Variants in UCKL1 observed in about 807,000 individuals in gnomAD.
The protein encoded by UCKL1 is uridine-cytidine kinase 1 like 1.
A neutral mutation model predicts 59.2 loss-of-function variants in UCKL1; 65 were observed. The ratio of observed to expected loss-of-function variants is 1.10; its 90% CI spans 0.90 to 1.35. The LOEUF is 1.35. Ranked by LOEUF, UCKL1 falls within the 40% of genes most tolerant of loss-of-function variation. UCKL1 has a pLI of 0.00. For synonymous variants in UCKL1, 410 were observed against 323.1 expected, an observed-to-expected ratio of 1.27 and a Z score of -2.88; for missense variants, 703 against 784.3, an observed-to-expected ratio of 0.90 and a Z score of 1.24.
Position 63,944,591 on chromosome 20 carries a change from C to G in UCKL1, c.798G>C (p.Gln266His). 3 of 1,612,982 alleles carry G rather than the reference C, an allele frequency of 1.9e-6. No homozygotes were observed. The highest frequency in any genetic ancestry group is 1.1e-5 in the South Asian group (1 of 90,988). ...CCAGGCGCATGGTGGGCTGGATGTA[C>G]TGGTCGAAGGAGGGCTTGACAAACT... ...YNKFVKPSFD[Q>H]YIQPTMRLAD... The change falls in exon 6 of 15, where the codon CAG (glutamine) becomes CAC (histidine). Residue 266 changes from glutamine to histidine, a missense_variant. By Grantham distance (24) the Gln-to-His change is conservative (BLOSUM62 0). This residue lies in a region of UCKL1 where 398 missense variants were observed against 373.0 expected (regional missense o/e 1.07). Coordinates refer to ENST00000354216, the MANE Select transcript of UCKL1 (RefSeq NM_017859.4).
Position 63,952,240 on chromosome 20 carries a change from G to A in UCKL1, c.113+4020C>T, listed in dbSNP as rs189391551. 1.7e-3 allele frequency among the ~76,000 whole-genome samples: 264 copies of A among 152,348 alleles called. 2 individuals carry two copies. Among genetic ancestry groups the A allele is most frequent in the Non-Finnish European group, 2.3e-3 (159 of 68,014 alleles). ...CTCCTGGGGGCCATGCCACTGGCTGGGCTGTCTGAACAGCAGAGTGGACGC... is the reference window on the plus strand; with the variant it reads ...CTCCTGGGGGCCATGCCACTGGCTGAGCTGTCTGAACAGCAGAGTGGACGC... On this transcript the variant is annotated intron_variant, in intron 1 of 14. Coordinates refer to ENST00000354216, the MANE Select transcript of UCKL1 (RefSeq NM_017859.4).
intron 8 of UCKL1, among the ~76,000 whole-genome samples, chr20:63,943,163 TGCGAGGACAGAGCTGGGGCAA>T (rs2055118979): frequency 6.6e-6 from 1 of 152,174 alleles, no homozygotes; most frequent in Non-Finnish European, 1.5e-5. Flanking sequence ...CTGTGCGGGC[TGCGAGGACAGAGCTGGGGCAA>T]GCAGGACCCG....
Position 63,951,726 on chromosome 20 carries a change from C to G in UCKL1, c.113+4534G>C, listed in dbSNP as rs564164473. Among the ~76,000 whole-genome samples the G allele has an allele frequency of 2.0e-5, 3 of 152,104 alleles. No individual in the cohort carries two copies. The South Asian group carries it at 6.3e-4, about 32-fold the overall frequency. ...CACAGGGGACACAGCCACCTCCCCG[C>G]CCAGGGCTCAGCAGGGCACAGGGGA... is the stretch of plus-strand genomic sequence containing the variant. On this transcript the variant is annotated intron_variant, in intron 1 of 14. Coordinates refer to ENST00000354216, the MANE Select transcript of UCKL1 (RefSeq NM_017859.4).
chr20:63,956,004 A>C, intron 1 of UCKL1: 1 of 352,082 alleles, frequency 2.8e-6, no homozygotes, highest in Non-Finnish European at 5.2e-6. Flanking sequence ...GCAGAGACCA[A>C]GGTCAACGCT....
chr20:63,949,712 A>G (rs2057292966), intron 1 of UCKL1, among the ~76,000 whole-genome samples: 1 of 152,184 alleles, frequency 6.6e-6, no homozygotes, highest in Non-Finnish European at 1.5e-5. Flanking sequence ...TAACCCCAGC[A>G]TCTGCAGGGA....
chr20:63,954,486 C>T (rs746419491), intron 1 of UCKL1: 5 of 152,226 alleles, frequency 3.3e-5, no homozygotes, highest in East Asian at 1.9e-4. Flanking sequence ...GACCTCCACC[C>T]GTGCACAGAC....
intron 1 of UCKL1, among the ~76,000 whole-genome samples, chr20:63,952,905 G>T (rs2057897792): frequency 6.6e-6 from 1 of 152,256 alleles, no homozygotes; most frequent in Non-Finnish European, 1.5e-5. Flanking sequence ...AAAGTCCAAG[G>T]CAGATGCCTC....
chr20:63,955,957 G>A, intron 1 of UCKL1: 1 of 266,784 alleles, frequency 3.7e-6, no homozygotes, highest in Non-Finnish European at 7.2e-6. Context: ...CACACAGCCC[G>A]CCGGGCGCTC....
chr20:63,942,796 A>G (rs748701976), intron 8 of UCKL1: 30 of 453,854 alleles, frequency 6.6e-5, no homozygotes, highest in Middle Eastern at 3.4e-4. Flanking sequence ...AACCCTGGAA[A>G]GTTTTTCCTC....
chr20:63,949,114 C>A (rs753652793), intron 1 of UCKL1, among the ~76,000 whole-genome samples: 2 of 152,198 alleles, frequency 1.3e-5, no homozygotes, highest in Non-Finnish European at 2.9e-5. Flanking sequence ...CAGAGACAGA[C>A]AGGTCTGCCT....
chr20:63,945,578 G>A (rs2055944716), intron 5 of UCKL1, 73 bp downstream of exon 5: 1 of 1,505,600 alleles, frequency 6.6e-7, no homozygotes, highest in South Asian at 1.2e-5. Context: ...CAGGGCAGGA[G>A]GACGCACACC....
At chr20:63,948,629 AGGGAAGG>A (rs2056986419) in intron 1 of UCKL1, among the ~76,000 whole-genome samples, 1 of 2,272 alleles carries the variant, frequency 4.4e-4, no homozygotes, top group African/African-American at 1.7e-3. Flanking sequence ...CGTGTGTGAG[AGGGAAGG>A]GGCGTGTGTG....
At chr20:63,955,236 A>C (rs6122043) in intron 1 of UCKL1, 1 of 152,188 alleles carries the variant, frequency 6.6e-6, no homozygotes, top group Non-Finnish European at 1.5e-5. Flanking sequence ...TGGGCGACAG[A>C]GTGAGACTCC....
Position 63,939,963 on chromosome 20 carries a change from G to C in UCKL1, c.*13C>G, listed in dbSNP as rs1200349392. The C allele has an allele frequency of 3.7e-6, 6 of 1,611,684 alleles. No homozygotes were observed. The highest frequency in any genetic ancestry group is 5.1e-6 in the Non-Finnish European group (6 of 1,179,238). On this transcript the variant is annotated 3_prime_UTR_variant, in exon 15 of 15. Transcript: ENST00000354216. ...GGAGGAGGGTGGTGGGGACGGGATG[G>C]CTCACTGGGCAGCTAACCCGTGTAG...
At position 63,943,682 on chromosome 20, in the gene UCKL1, C is replaced by T. The variant is rs1354186311; in HGVS notation, c.907-13G>A. ...CGCTGAGTTCACGCTGTGGCAGCAA[C>T]ACAGGAAGACACAAGGGAACGGTGG... On this transcript the variant is annotated splice_polypyrimidine_tract_variant and intron_variant, in intron 7 of 14. Coordinates refer to ENST00000354216, the MANE Select transcript of UCKL1 (RefSeq NM_017859.4). The T allele has an allele frequency of 6.2e-6, 10 of 1,612,500 alleles. No individual in the cohort carries two copies. Among genetic ancestry groups the T allele is most frequent in the South Asian group, 2.2e-5 (2 of 91,090 alleles).
At chr20:63,956,161 G>T (rs1601440055) in intron 1 of UCKL1, 99 bp downstream of exon 1, 1 of 1,150,238 alleles carries the variant, frequency 8.7e-7, no homozygotes, top group South Asian at 1.8e-5. Flanking sequence ...GGGAGTGGGG[G>T]ACTTGGGCTC....
At chr20:63,946,031 C>T in intron 3 of UCKL1, 56 bp from the exon 4 acceptor site, 1 of 1,611,358 alleles carries the variant, frequency 6.2e-7, no homozygotes, top group Non-Finnish European at 8.5e-7. Context: ...CACCCAATGC[C>T]AGCGGACAGG....
At chr20:63,946,316 C>T (rs547832949) in intron 2 of UCKL1, 49 bp from the exon 3 acceptor site, 93 of 1,551,432 alleles carry the variant, frequency 6.0e-5, no homozygotes, top group East Asian at 7.3e-5. Flanking sequence ...AGGCTGCCGG[C>T]ACAGATAGGT....
chr20:63,944,307 T>G, intron 7 of UCKL1, 90 bp downstream of exon 7: 13 of 1,288,570 alleles, frequency 1.0e-5, no homozygotes, highest in Non-Finnish European at 1.4e-5. Flanking sequence ...CGCAGGGGGA[T>G]GAGGTGACCA....
Sources: allele counts gnomAD v4.1 joint callset (sites outside exome capture counted in the v4.1 genomes callset), GRCh38; gene constraint gnomAD v4.1.1; regional missense constraint gnomAD v4.1.1; transcripts MANE v1.5; gene names NCBI Gene and HGNC (gene_info 2026-07-23, HGNC 2026-07-21).